Variants in PACSIN1 observed in about 807,000 individuals in gnomAD.
The protein encoded by PACSIN1 is protein kinase C and casein kinase substrate in neurons protein 1.
Under a neutral mutation model 59.5 loss-of-function variants are expected in PACSIN1, and 15 were observed. That is an observed-to-expected ratio of 0.25 (90% CI 0.17 to 0.39). The LOEUF (loss-of-function observed/expected upper bound fraction) is 0.39, where lower values mean the gene tolerates loss of function less well. Among genes scored for constraint, PACSIN1 ranks in the 10% least tolerant of loss-of-function variants. The pLI, the probability that PACSIN1 is intolerant of heterozygous loss-of-function variation, is 1.00. For missense variants in PACSIN1, 420 were observed against 580.2 expected, an observed-to-expected ratio of 0.72 and a Z score of 2.84; for synonymous variants, 210 against 220.6, an observed-to-expected ratio of 0.95 and a Z score of 0.42.
intron 1 of PACSIN1, among the ~76,000 whole-genome samples, chr6:34,468,312 C>G (rs1020260267): frequency 2.0e-5 from 3 of 152,196 alleles, no homozygotes; most frequent in African/African-American, 7.2e-5. Flanking sequence ...CTAAAGAGAA[C>G]TGTCTGGTTT....
intron 2 of PACSIN1, 96 bp downstream of exon 2, chr6:34,526,464 C>T: frequency 1.0e-6 from 1 of 990,738 alleles, no homozygotes; most frequent in Non-Finnish European, 1.5e-6. Context: ...TCAGGCCCCA[C>T]TCCGCAGTCC....
At position 34,529,362 on chromosome 6, in the gene PACSIN1, T is replaced by A. The variant is rs760445148; in HGVS notation, c.457-35T>A. ...GACCATGTTTGCTGCTGGTCACAAATGAAAACCCTACTCCCTATTCCCCCC... is the reference window on the plus strand; with the variant it reads ...GACCATGTTTGCTGCTGGTCACAAAAGAAAACCCTACTCCCTATTCCCCCC... On this transcript the variant is annotated intron_variant, in intron 4 of 9. Transcript: ENST00000244458. The surrounding 1 kb of genome is among the most constrained non-coding windows in gnomAD (Gnocchi z 6.3). 3 of 1,607,364 alleles carry A rather than the reference T, an allele frequency of 1.9e-6. No homozygotes were observed. The highest frequency in any genetic ancestry group is 2.6e-6 in the Non-Finnish European group (3 of 1,174,676).
chr6:34,501,134 A>G (rs971274981), intron 1 of PACSIN1, among the ~76,000 whole-genome samples: 3 of 152,180 alleles, frequency 2.0e-5, no homozygotes, highest in Non-Finnish European at 2.9e-5. Flanking sequence ...GAACACTTCT[A>G]ATTTCCTTCA....
At chr6:34,479,863 T>C (rs1217378212) in intron 1 of PACSIN1, among the ~76,000 whole-genome samples, 1 of 151,964 alleles carries the variant, frequency 6.6e-6, no homozygotes, top group Non-Finnish European at 1.5e-5. Context: ...TCTTGCTCTG[T>C]CACCCAGGCT....
Position 34,530,847 on chromosome 6 carries a change from G to A in PACSIN1, c.1037+260G>A, listed in dbSNP as rs1048185779. On this transcript the variant is annotated intron_variant, in intron 8 of 9. Transcript: ENST00000244458. This position sits in a 1 kb window ranked among gnomAD's most constrained non-coding sequence, Gnocchi z 4.4. ...ACTGTTCCACCTCAGATCATCAGGC[G>A]TTAGATTCTCCTAAGGAACGTGCAA... Among the ~76,000 whole-genome samples, 1 of 152,192 alleles carries A rather than the reference G, an allele frequency of 6.6e-6. No individual in the cohort carries two copies. Among genetic ancestry groups the A allele is most frequent in the Non-Finnish European group, 1.5e-5 (1 of 68,038 alleles).
chr6:34,520,274 A>T (rs58256769), intron 1 of PACSIN1, among the ~76,000 whole-genome samples: 1 of 152,160 alleles, frequency 6.6e-6, no homozygotes, highest in African/African-American at 2.4e-5. Context: ...CTGTCGGTCT[A>T]TCTCTGGGTA....
chr6:34,472,082 C>T lies in PACSIN1; in HGVS notation c.-64+5812C>T, dbSNP rs571906753. ...GGTCAGGAGTTCGAGACCAACCTGG[C>T]CAATATGGTGAAACCCCTGTCTCTA... On this transcript the variant is annotated intron_variant, in intron 1 of 9. Transcript: ENST00000244458. Among the ~76,000 whole-genome samples the T allele has an allele frequency of 2.8e-3, 426 of 151,918 alleles. 4 individuals carry two copies. The highest frequency in any genetic ancestry group is 9.7e-3 in the African/African-American group (403 of 41,410).
intron 1 of PACSIN1, among the ~76,000 whole-genome samples, chr6:34,476,761 G>T (rs1048930989): frequency 6.6e-6 from 1 of 152,190 alleles, no homozygotes; most frequent in African/African-American, 2.4e-5. Context: ...GCTTGGCTTG[G>T]CTTGGGGGCC....
At chr6:34,520,448 C>T (rs1767369359) in intron 1 of PACSIN1, among the ~76,000 whole-genome samples, 1 of 152,190 alleles carries the variant, frequency 6.6e-6, no homozygotes, top group Non-Finnish European at 1.5e-5. Context: ...CACCCACAGA[C>T]AGCCAGGAGC....
intron 1 of PACSIN1, among the ~76,000 whole-genome samples, chr6:34,499,470 A>G (rs768900523): frequency 2.5e-4 from 38 of 151,676 alleles, no homozygotes; most frequent in Non-Finnish European, 4.4e-4. Flanking sequence ...CATAAATATA[A>G]GAACTAAATT....
intron 1 of PACSIN1, among the ~76,000 whole-genome samples, chr6:34,492,664 G>A (rs549482248): frequency 2.6e-5 from 4 of 152,370 alleles, no homozygotes; most frequent in African/African-American, 9.6e-5. Flanking sequence ...TTACAGGCAT[G>A]AGCCACTACG....
rs10638490 is a variant in PACSIN1 at position 34,489,183 on chromosome 6, C to CAA, written c.-64+22927_-64+22928dup. Among the ~76,000 whole-genome samples, 633 of 124,658 alleles carry CAA rather than the reference C, an allele frequency of 5.1e-3. 3 individuals are homozygous for CAA. Among genetic ancestry groups the CAA allele is most frequent in the African/African-American group, 0.016 (566 of 34,558 alleles). 81.8% of individuals were successfully genotyped at this position (124,658 alleles called of 152,430 possible). A position where few individuals can be genotyped will look rare whatever the true frequency, so the allele number is the denominator to read the frequency against. On this transcript the variant is annotated intron_variant, in intron 1 of 9. Transcript: ENST00000244458. Reference sequence around the variant, plus strand: ...TGGGTGATAGAGTGAGAGTTTGTCTCAAAAAAAAAAAAAAAGTATATTTTT... The same window carrying CAA: ...TGGGTGATAGAGTGAGAGTTTGTCTCAAAAAAAAAAAAAAAAAGTATATTTTT...
chr6:34,470,999 G>A lies in PACSIN1; in HGVS notation c.-64+4729G>A, dbSNP rs532976902. 1.2e-4 allele frequency among the ~76,000 whole-genome samples: 19 copies of A among 152,222 alleles called. No individual in the cohort carries two copies. The East Asian group carries it at 2.1e-3, about 17-fold the overall frequency. On this transcript the variant is annotated intron_variant, in intron 1 of 9. Coordinates refer to ENST00000244458, the MANE Select transcript of PACSIN1 (RefSeq NM_020804.5). Reference sequence around the variant, plus strand: ...TTGCTCTTGTCGCCCAGGCTTGAGTGCAAGGCTGCGATCTAGGCTCACTGC... The same window carrying A: ...TTGCTCTTGTCGCCCAGGCTTGAGTACAAGGCTGCGATCTAGGCTCACTGC...
intron 1 of PACSIN1, among the ~76,000 whole-genome samples, chr6:34,512,085 G>C (rs572229996): frequency 6.6e-6 from 1 of 151,858 alleles, no homozygotes; most frequent in East Asian, 1.9e-4. Context: ...GTGTGCCTGT[G>C]TGTGTGTGTA....
intron 1 of PACSIN1, 34 bp from the exon 2 acceptor site, chr6:34,526,209 C>T (rs2127272801): frequency 1.9e-6 from 2 of 1,036,804 alleles, no homozygotes; most frequent in African/African-American, 1.6e-5. Context: ...AGGCCCTTCC[C>T]TCATCTCCAG....
intron 1 of PACSIN1, among the ~76,000 whole-genome samples, chr6:34,499,754 C>T (rs771209585): frequency 3.3e-5 from 5 of 151,890 alleles, no homozygotes; most frequent in Non-Finnish European, 5.9e-5. Context: ...TGAGACGGTG[C>T]CACTGCACTC....
chr6:34,475,065 C>T (rs1399769179), intron 1 of PACSIN1, among the ~76,000 whole-genome samples: 1 of 152,180 alleles, frequency 6.6e-6, no homozygotes, highest in Admixed American at 6.5e-5. Flanking sequence ...CAAAAACAGC[C>T]CTCGTTGTCC....
intron 1 of PACSIN1, among the ~76,000 whole-genome samples, chr6:34,474,473 C>G (rs1219467767): frequency 6.6e-6 from 1 of 152,090 alleles, no homozygotes; most frequent in Non-Finnish European, 1.5e-5. Context: ...AATGACTCCC[C>G]TCCCATTCAG....
Position 34,488,856 on chromosome 6 carries a change from G to A in PACSIN1, c.-64+22586G>A, listed in dbSNP as rs367596158. Among the ~76,000 whole-genome samples the A allele has an allele frequency of 5.2e-4, 79 of 151,766 alleles. No individual in the cohort carries two copies. Among genetic ancestry groups the A allele is most frequent in the African/African-American group, 1.8e-3 (76 of 41,428 alleles). On this transcript the variant is annotated intron_variant, in intron 1 of 9. Transcript: ENST00000244458. The surrounding 1 kb of genome is among the most constrained non-coding windows in gnomAD (Gnocchi z 4.7). ...ATTACAGGCGTGAGCCACCTCACCC[G>A]GCCTATTATTTTTTAAAGTGACAAA...
Sources: allele counts gnomAD v4.1 joint callset (sites outside exome capture counted in the v4.1 genomes callset), GRCh38; gene constraint gnomAD v4.1.1; non-coding constraint Gnocchi (gnomAD v3.1); transcripts MANE v1.5; gene names NCBI Gene and HGNC (gene_info 2026-07-23, HGNC 2026-07-21).